RPGRIP1: variants seen among roughly 807,000 people sequenced by gnomAD.
RPGRIP1 encodes X-linked retinitis pigmentosa GTPase regulator-interacting protein 1.
In RPGRIP1, 128 loss-of-function variants were observed where a neutral mutation model predicts 157.9. The ratio of observed to expected loss-of-function variants is 0.81; its 90% confidence interval spans 0.70 to 0.94. RPGRIP1 has a LOEUF of 0.94. Ranked by LOEUF, RPGRIP1 falls within the 40% of genes least tolerant of loss-of-function variation. The pLI is 0.00. For synonymous variants in RPGRIP1, 554 were observed against 571.6 expected, an observed-to-expected ratio of 0.97 and a Z score of 0.44; for missense variants, 1,486 against 1,545.8, an observed-to-expected ratio of 0.96 and a Z score of 0.65.
chr14:21,283,831 C>T (rs1394543501), intron 1 of RPGRIP1, among the ~76,000 whole-genome samples: 1 of 151,712 alleles, frequency 6.6e-6, no homozygotes, highest in East Asian at 1.9e-4. Flanking sequence ...TAACTTTTGT[C>T]ATGTGGCTGG....
Position 21,294,759 on chromosome 14 carries a change from T to C in RPGRIP1, c.168T>C (p.Asp56=), listed in dbSNP as rs1880691585. Residue 56 remains aspartate (D), a synonymous_variant, in exon 3 of 25, where the codon GAT becomes GAC. Coordinates refer to ENST00000400017, the MANE Select transcript of RPGRIP1 (RefSeq NM_020366.4). ...LEDSFFRLRE[D]HMLVKELSWK... is the part of the protein sequence containing the mutation. Reference sequence around the variant, plus strand: ...ACAGTTTCTTTCGACTTCGCGAAGATCACATGTTGGTGAAGGAGCTTTCTT... The same window carrying C: ...ACAGTTTCTTTCGACTTCGCGAAGACCACATGTTGGTGAAGGAGCTTTCTT... 1.9e-6 allele frequency: 3 copies of C among 1,610,044 alleles called. No individual in the cohort carries two copies. The highest frequency in any genetic ancestry group is 2.7e-5 in the African/African-American group (2 of 74,532).
At chr14:21,349,224 C>T (rs1021705059) in intron 24 of RPGRIP1, among the ~76,000 whole-genome samples, 3 of 151,348 alleles carry the variant, frequency 2.0e-5, no homozygotes, top group Non-Finnish European at 4.4e-5. Context: ...GCACCTGCCA[C>T]CACGCCAGCT....
intron 22 of RPGRIP1, among the ~76,000 whole-genome samples, chr14:21,344,160 A>T (rs563461636): frequency 1.3e-4 from 19 of 151,892 alleles, no homozygotes; most frequent in Non-Finnish European, 2.6e-4. Flanking sequence ...TTTTTATTTA[A>T]ATCCATTTAA....
intron 23 of RPGRIP1, 130 bp downstream of exon 23, chr14:21,345,327 C>T (rs1465547131): frequency 6.4e-6 from 4 of 622,240 alleles, no homozygotes; most frequent in Non-Finnish European, 1.1e-5. Flanking sequence ...TAATGAATTT[C>T]CTATGTACTT....
chr14:21,305,105 G>A (rs1184744124), intron 6 of RPGRIP1, among the ~76,000 whole-genome samples: 2 of 151,892 alleles, frequency 1.3e-5, no homozygotes, highest in Non-Finnish European at 2.9e-5. Flanking sequence ...CCTGGCCGGT[G>A]TTGTACATTC....
intron 2 of RPGRIP1, among the ~76,000 whole-genome samples, chr14:21,290,818 CAA>C (rs111616598): frequency 1.3e-4 from 15 of 114,842 alleles, no homozygotes; most frequent in Non-Finnish European, 1.3e-4. Flanking sequence ...GACTCCGTCT[CAA>C]AAAAAAAAAA....
intron 7 of RPGRIP1, among the ~76,000 whole-genome samples, chr14:21,308,866 C>G (rs145254968): frequency 4.6e-5 from 7 of 152,172 alleles, no homozygotes; most frequent in African/African-American, 1.4e-4. Flanking sequence ...ACTCATGTAG[C>G]CTGTGGAAAA....
At position 21,310,677 on chromosome 14, in the gene RPGRIP1, A is replaced by C; in HGVS notation, c.930+70A>C. On this transcript the variant is annotated intron_variant, in intron 8 of 24. Transcript: ENST00000400017. ...ATCAAACCCAAAGAAATCTATGTTC[A>C]TCTCCAAGTAACATAACACCAGAAT... 3.6e-6 allele frequency: 3 copies of C among 838,266 alleles called. No individual in the cohort carries two copies. The South Asian group carries it at 4.9e-5, about 14-fold the overall frequency. 51.9% of individuals were successfully genotyped at this position (838,266 alleles called of 1,614,324 possible).
At chr14:21,308,581 G>A (rs995276264) in intron 7 of RPGRIP1, among the ~76,000 whole-genome samples, 1 of 152,210 alleles carries the variant, frequency 6.6e-6, no homozygotes, top group Non-Finnish European at 1.5e-5. Flanking sequence ...TGGCTGATAA[G>A]TGGAGGAACA....
intron 2 of RPGRIP1, among the ~76,000 whole-genome samples, chr14:21,291,514 T>A (rs1389951638): frequency 1.3e-5 from 2 of 152,144 alleles, no homozygotes; most frequent in South Asian, 4.1e-4. Context: ...ATAAGCTTTT[T>A]TAGGTTTCAT....
At chr14:21,296,640 C>T (rs1248886459) in intron 3 of RPGRIP1, among the ~76,000 whole-genome samples, 2 of 151,548 alleles carry the variant, frequency 1.3e-5, no homozygotes, top group East Asian at 2.0e-4. Flanking sequence ...CATGACCCAT[C>T]GTGCCCAGTT....
chr14:21,304,642 C>A (rs1411299550), intron 6 of RPGRIP1, among the ~76,000 whole-genome samples: 2 of 152,038 alleles, frequency 1.3e-5, no homozygotes, highest in African/African-American at 2.4e-5. Context: ...AAATAGAGTT[C>A]CTGTATACCC....
At chr14:21,328,918 T>C (rs969372491) in intron 19 of RPGRIP1, among the ~76,000 whole-genome samples, 4 of 151,902 alleles carry the variant, frequency 2.6e-5, no homozygotes, top group Middle Eastern at 3.4e-3. Context: ...CCGAGGTGGG[T>C]GGATCACCTG....
intron 5 of RPGRIP1, 92 bp downstream of exon 5, chr14:21,302,676 G>A (rs1881085092): frequency 1.2e-6 from 1 of 809,494 alleles, no homozygotes; most frequent in South Asian, 2.2e-5. Flanking sequence ...GGTGATTTGA[G>A]TCTTTTCAGC....
chr14:21,327,700 A>G lies in RPGRIP1; in HGVS notation c.2788A>G (p.Ile930Val), dbSNP rs894846700. 2 of 1,613,946 alleles carry G rather than the reference A, an allele frequency of 1.2e-6. No individual in the cohort carries two copies. The highest frequency in any genetic ancestry group is 3.3e-5 in the Admixed American group (2 of 60,010). Residue 930 changes from isoleucine to valine, a missense_variant, in exon 18 of 25, where the codon ATA (isoleucine) becomes GTA (valine). Ile to Val is a conservative substitution (Grantham distance 29). Coordinates refer to ENST00000400017, the MANE Select transcript of RPGRIP1 (RefSeq NM_020366.4). Reference protein sequence around the residue: ...QVQLDWKFPYIPPESFLKPEA... With the variant: ...QVQLDWKFPYVPPESFLKPEA... The stretch of plus-strand genomic sequence containing the variant: ...GCAACTGGATTGGAAGTTTCCCTAC[A>G]TACCCCCTGAGAGCTTCCTGAAACC...
At chr14:21,317,407 A>G (rs1881879409) in intron 10 of RPGRIP1, 2 of 602,210 alleles carry the variant, frequency 3.3e-6, no homozygotes, top group Admixed American at 6.2e-5. Context: ...TCCCTGACTA[A>G]AGAAAGCCAT....
At chr14:21,316,995 C>T (rs1881849474) in intron 10 of RPGRIP1, among the ~76,000 whole-genome samples, 1 of 151,922 alleles carries the variant, frequency 6.6e-6, no homozygotes, top group African/African-American at 2.4e-5. Flanking sequence ...TGGTGGGTTA[C>T]TTTAATCCCA....
At chr14:21,327,245 G>C (rs1883208147) in intron 17 of RPGRIP1, among the ~76,000 whole-genome samples, 1 of 152,140 alleles carries the variant, frequency 6.6e-6, no homozygotes, top group African/African-American at 2.4e-5. Context: ...GTTTTCTTGG[G>C]ACCACTTGAG....
chr14:21,311,688 A>C, intron 8 of RPGRIP1, 136 bp from the exon 9 acceptor site: 1 of 565,644 alleles, frequency 1.8e-6, no homozygotes, highest in Non-Finnish European at 2.9e-6. Context: ...GTTAACGAAC[A>C]GTACAAAGGT....
Sources: allele counts gnomAD v4.1 joint callset (sites outside exome capture counted in the v4.1 genomes callset), GRCh38; gene constraint gnomAD v4.1.1; transcripts MANE v1.5; gene names NCBI Gene and HGNC (gene_info 2026-07-23, HGNC 2026-07-21).